The following ZBTB7C variants were observed in gnomAD, a reference collection of about 807,000 sequenced individuals.
The protein encoded by ZBTB7C is zinc finger and BTB domain containing 7C.
In ZBTB7C, 8 loss-of-function variants were observed where a neutral mutation model predicts 25.7. The ratio of observed to expected loss-of-function variants is 0.31; its 90% CI spans 0.18 to 0.56. The LOEUF (loss-of-function observed/expected upper bound fraction) is 0.56. Ranked by LOEUF, ZBTB7C falls within the 20% of genes least tolerant of loss-of-function variation. The probability of loss-of-function intolerance (pLI) is 0.91; values close to 1 mark genes in which losing one functional copy is unlikely to be tolerated. For missense variants in ZBTB7C, 824 were observed against 855.2 expected (o/e 0.96, Z 0.46); for synonymous variants, 394 against 369.0 (o/e 1.07, Z -0.78).
intron 4 of ZBTB7C, among the ~76,000 whole-genome samples, chr18:48,033,010 G>A (rs1204071258): frequency 6.6e-6 from 1 of 152,150 alleles, no homozygotes; most frequent in African/African-American, 2.4e-5. Context: ...AGAGGCATAT[G>A]GTATAGAGGT....
chr18:48,132,995 C>T (rs534751868), intron 3 of ZBTB7C, among the ~76,000 whole-genome samples: 3 of 152,304 alleles, frequency 2.0e-5, no homozygotes, highest in East Asian at 1.9e-4. Flanking sequence ...CGACATAGAT[C>T]ATGTGCCGTA....
chr18:48,041,204 C>T, intron 3 of ZBTB7C, 81 bp from the exon 4 acceptor site: 1 of 1,476,308 alleles, frequency 6.8e-7, no homozygotes, highest in African/African-American at 1.4e-5. Flanking sequence ...TCTGAGCCAC[C>T]TCCTTGGCAT....
intron 2 of ZBTB7C, among the ~76,000 whole-genome samples, chr18:48,239,170 C>G (rs1186469272): frequency 3.9e-5 from 6 of 152,292 alleles, no homozygotes; most frequent in Non-Finnish European, 5.9e-5. Context: ...GCAAGCCCCA[C>G]TCAAGGAGAG....
At chr18:48,161,793 ACT>A (rs138728449) in intron 3 of ZBTB7C, among the ~76,000 whole-genome samples, 3,346 of 107,800 alleles carry the variant, frequency 0.031, 122 homozygotes, top group African/African-American at 0.11. Context: ...CTCTCCCTCC[ACT>A]CTGCGCCCCC....
chr18:48,226,604 C>A lies in ZBTB7C; in HGVS notation c.-78-40609G>T, dbSNP rs115862153. The stretch of plus-strand genomic sequence containing the variant: ...GGGGGTAAAATATGCATGACACACA[C>A]CTTTGCAACCTCCAGGTGTCACATG... On this transcript the variant is annotated intron_variant, in intron 2 of 4. Coordinates refer to ENST00000590800, the MANE Select transcript of ZBTB7C (RefSeq NM_001318841.2). Among the ~76,000 whole-genome samples the A allele has an allele frequency of 2.7e-3, 418 of 152,338 alleles. 2 individuals carry two copies. The highest frequency in any genetic ancestry group is 9.4e-3 in the African/African-American group (392 of 41,582).
intron 3 of ZBTB7C, among the ~76,000 whole-genome samples, chr18:48,052,310 G>C (rs916615809): frequency 6.6e-6 from 1 of 152,236 alleles, no homozygotes; most frequent in African/African-American, 2.4e-5. Context: ...CTCTAGTAGA[G>C]TGGAAATGGT....
chr18:48,357,890 T>C (rs536874057), intron 1 of ZBTB7C, among the ~76,000 whole-genome samples: 4 of 152,218 alleles, frequency 2.6e-5, no homozygotes, highest in Non-Finnish European at 5.9e-5. Flanking sequence ...TTTGGATGCT[T>C]GTCCCCTCCA....
chr18:48,256,498 A>T (rs868624623), intron 2 of ZBTB7C, among the ~76,000 whole-genome samples: 2 of 151,048 alleles, frequency 1.3e-5, no homozygotes, highest in Admixed American at 6.6e-5. Flanking sequence ...AAAAAATAGA[A>T]GGCCCATATT....
intron 2 of ZBTB7C, among the ~76,000 whole-genome samples, chr18:48,261,187 G>C (rs1188141354): frequency 6.6e-6 from 1 of 152,194 alleles, no homozygotes; most frequent in African/African-American, 2.4e-5. Flanking sequence ...ATGTGTTGGA[G>C]AAAAGCGGAA....
intron 2 of ZBTB7C, among the ~76,000 whole-genome samples, chr18:48,198,257 C>T (rs569299900): frequency 6.6e-6 from 1 of 152,246 alleles, no homozygotes; most frequent in South Asian, 2.1e-4. Flanking sequence ...TAGAGTTCCC[C>T]ATCTTCCAAC....
rs569144151 is a variant in ZBTB7C, at chr18:48,260,252, C to T, written c.-78-74257G>A. Among the ~76,000 whole-genome samples the T allele has an allele frequency of 2.0e-4, 30 of 152,222 alleles. 1 individual carries two copies. The South Asian group carries it at 6.2e-3, about 32-fold the overall frequency. Reference sequence around the variant, plus strand: ...AGAAACTGCATAAAAAGATTACATGCTGTGTGAGCCTATTTATATAAAATT... The same window carrying T: ...AGAAACTGCATAAAAAGATTACATGTTGTGTGAGCCTATTTATATAAAATT... On this transcript the variant is annotated intron_variant, in intron 2 of 4. Transcript: ENST00000590800.
At chr18:48,145,195 A>G (rs1472843338) in intron 3 of ZBTB7C, among the ~76,000 whole-genome samples, 1 of 152,074 alleles carries the variant, frequency 6.6e-6, no homozygotes, top group East Asian at 1.9e-4. Context: ...AATGGCACAA[A>G]CTCTGTCTGC....
intron 2 of ZBTB7C, among the ~76,000 whole-genome samples, chr18:48,278,449 T>C (rs568072741): frequency 1.4e-4 from 21 of 152,218 alleles, no homozygotes; most frequent in Non-Finnish European, 1.0e-4. Flanking sequence ...TTTTCTTTTT[T>C]TTTTTTGAGA....
intron 1 of ZBTB7C, among the ~76,000 whole-genome samples, chr18:48,366,945 TG>T (rs1393533939): frequency 6.6e-6 from 1 of 151,930 alleles, no homozygotes; most frequent in African/African-American, 2.4e-5. Flanking sequence ...CACACCGCAC[TG>T]GTGACAGAGA....
intron 3 of ZBTB7C, among the ~76,000 whole-genome samples, chr18:48,183,416 A>G (rs2041977486): frequency 6.6e-6 from 1 of 152,242 alleles, no homozygotes; most frequent in South Asian, 2.1e-4. Context: ...ACCTTCTGGT[A>G]CTTTTGAATT....
chr18:48,389,192 C>T (rs1196243911), intron 1 of ZBTB7C, among the ~76,000 whole-genome samples: 5 of 46,226 alleles, frequency 1.1e-4, no homozygotes, highest in Non-Finnish European at 2.2e-4. Context: ...CCCTTTAACT[C>T]TCTCTCTCTC....
chr18:48,349,153 T>C (rs972587607), intron 1 of ZBTB7C, among the ~76,000 whole-genome samples: 2 of 152,184 alleles, frequency 1.3e-5, no homozygotes, highest in Admixed American at 1.3e-4. Context: ...GCTTGCTCAG[T>C]GGCTCCTTCA....
At chr18:48,247,382 T>A (rs1224515791) in intron 2 of ZBTB7C, among the ~76,000 whole-genome samples, 1 of 152,126 alleles carries the variant, frequency 6.6e-6, no homozygotes, top group East Asian at 1.9e-4. Context: ...GACAAAAATA[T>A]CTCCTGTATA....
At chr18:48,101,088 C>A (rs1875068930) in intron 3 of ZBTB7C, among the ~76,000 whole-genome samples, 1 of 145,886 alleles carries the variant, frequency 6.9e-6, no homozygotes, top group Non-Finnish European at 1.6e-5. Context: ...AAGGAGCCAG[C>A]CCACAGGCCC....
Sources: gnomAD v4.1 joint callset for allele counts (sites outside exome capture counted in the v4.1 genomes callset) on GRCh38, gnomAD v4.1.1 for gene constraint, MANE v1.5 for transcripts, NCBI Gene and HGNC (gene_info 2026-07-23, HGNC 2026-07-21) for gene names.